Variants in PPP2R2B observed in about 807,000 individuals in gnomAD.
PPP2R2B encodes the protein serine/threonine-protein phosphatase 2A 55 kDa regulatory subunit B beta isoform.
In PPP2R2B, 5 loss-of-function variants were observed where a neutral mutation model predicts 46.0. That is an observed-to-expected ratio of 0.11 (90% CI 0.06 to 0.23). PPP2R2B has a LOEUF of 0.23. PPP2R2B is among the 10% of genes least tolerant of loss of function. PPP2R2B has a pLI of 1.00. For missense variants in PPP2R2B, 367 were observed against 575.0 expected (o/e 0.64, Z 3.70); for synonymous variants, 215 against 206.7 (o/e 1.04, Z -0.34).
intron 2 of PPP2R2B, chr5:146,856,476 G>A: frequency 6.6e-7 from 1 of 1,509,422 alleles, no homozygotes; most frequent in Non-Finnish European, 9.2e-7. Context: ...AAGAAGAGTA[G>A]GTATAAATAA....
chr5:146,830,254 C>T (rs1421492077), intron 2 of PPP2R2B, among the ~76,000 whole-genome samples: 1 of 152,084 alleles, frequency 6.6e-6, no homozygotes, highest in Non-Finnish European at 1.5e-5. Flanking sequence ...CATAGATATG[C>T]CATAGGAATG....
At chr5:146,850,921 T>C (rs1234161981) in intron 2 of PPP2R2B, among the ~76,000 whole-genome samples, 1 of 152,082 alleles carries the variant, frequency 6.6e-6, no homozygotes, top group African/African-American at 2.4e-5. Context: ...TGTAAAGACT[T>C]TCTAGAATAT....
chr5:146,875,111 G>A (rs932559277), intron 2 of PPP2R2B, among the ~76,000 whole-genome samples: 5 of 152,210 alleles, frequency 3.3e-5, no homozygotes, highest in African/African-American at 1.2e-4. Flanking sequence ...CATTGAATGT[G>A]TGACTTTTGG....
intron 1 of PPP2R2B, among the ~76,000 whole-genome samples, chr5:146,973,986 C>G (rs1582527020): frequency 6.6e-6 from 1 of 152,172 alleles, no homozygotes; most frequent in African/African-American, 2.4e-5. Context: ...CAGAAATAAT[C>G]TGGAGGCAGA....
At chr5:147,051,751 T>C (rs1232262076) in intron 1 of PPP2R2B, among the ~76,000 whole-genome samples, 3 of 143,710 alleles carry the variant, frequency 2.1e-5, no homozygotes, top group Admixed American at 7.2e-5. Flanking sequence ...CTGTTTTGCT[T>C]CCTTTTTTTT....
At chr5:146,895,734 T>A (rs578055984) in intron 1 of PPP2R2B, among the ~76,000 whole-genome samples, 1 of 152,210 alleles carries the variant, frequency 6.6e-6, no homozygotes, top group Non-Finnish European at 1.5e-5. Flanking sequence ...TATTTTGTAA[T>A]ATGTTTATGG....
chr5:146,618,896 T>TACCA (rs1239822909), intron 7 of PPP2R2B, among the ~76,000 whole-genome samples: 1 of 152,206 alleles, frequency 6.6e-6, no homozygotes, highest in Non-Finnish European at 1.5e-5. Flanking sequence ...CCGGCAATCC[T>TACCA]ACCATGTGCT....
At chr5:146,940,847 T>A (rs756815840) in intron 1 of PPP2R2B, among the ~76,000 whole-genome samples, 1 of 152,162 alleles carries the variant, frequency 6.6e-6, no homozygotes, top group Non-Finnish European at 1.5e-5. Context: ...TAAATTAGTA[T>A]CAGTGTAGTT....
At chr5:146,717,346 T>A (rs898661997) in intron 2 of PPP2R2B, among the ~76,000 whole-genome samples, 8 of 152,222 alleles carry the variant, frequency 5.3e-5, no homozygotes, top group Non-Finnish European at 1.2e-4. Flanking sequence ...ACCTAAGTTA[T>A]TGCCTCTGGA....
chr5:146,845,647 G>C (rs979671260), intron 2 of PPP2R2B, among the ~76,000 whole-genome samples: 1 of 152,180 alleles, frequency 6.6e-6, no homozygotes, highest in Non-Finnish European at 1.5e-5. Context: ...CTCATGATTA[G>C]AGCTCCAGTG....
At chr5:146,873,008 C>T (rs1260473502) in intron 2 of PPP2R2B, among the ~76,000 whole-genome samples, 1 of 152,172 alleles carries the variant, frequency 6.6e-6, no homozygotes, top group Non-Finnish European at 1.5e-5. Flanking sequence ...CCAGGTCTTT[C>T]TCTTGAGCTT....
At chr5:146,733,365 G>A (rs947778650) in intron 2 of PPP2R2B, among the ~76,000 whole-genome samples, 3 of 151,936 alleles carry the variant, frequency 2.0e-5, no homozygotes, top group African/African-American at 7.3e-5. Context: ...TGGGGGTGAG[G>A]GGCTTCTTCC....
chr5:146,805,648 G>C (rs779880113), intron 2 of PPP2R2B, among the ~76,000 whole-genome samples: 3 of 152,154 alleles, frequency 2.0e-5, no homozygotes, highest in Non-Finnish European at 4.4e-5. Flanking sequence ...TAAAGCAGAT[G>C]AGCCTGTAGT....
intron 2 of PPP2R2B, among the ~76,000 whole-genome samples, chr5:146,854,865 C>T (rs916820017): frequency 1.6e-4 from 24 of 152,158 alleles, no homozygotes; most frequent in Non-Finnish European, 2.9e-4. Context: ...CTATTCTTCA[C>T]GACAAGCTCT....
At chr5:146,822,418 C>T (rs1426878449) in intron 2 of PPP2R2B, among the ~76,000 whole-genome samples, 2 of 152,136 alleles carry the variant, frequency 1.3e-5, no homozygotes, top group South Asian at 2.1e-4. Context: ...TCATCATACT[C>T]AGGTTGCACT....
At chr5:146,937,315 A>G (rs178547) in intron 1 of PPP2R2B, among the ~76,000 whole-genome samples, 35,699 of 150,600 alleles carry the variant, frequency 0.24, 5,404 homozygotes, top group African/African-American at 0.43. Context: ...AAAAAAAAAA[A>G]GGGGGGTTAC....
chr5:146,595,403 G>T (rs753950916), intron 8 of PPP2R2B, among the ~76,000 whole-genome samples: 4 of 152,110 alleles, frequency 2.6e-5, no homozygotes, highest in Non-Finnish European at 5.9e-5. Context: ...TTCACCTTCG[G>T]CATTTTGTCT....
rs1483922591 is a variant in PPP2R2B at position 146,936,341 on chromosome 5, C to G, written c.79+119324G>C. On this transcript the variant is annotated intron_variant, in intron 1 of 8. Coordinates refer to the PPP2R2B transcript ENST00000336640. The stretch of plus-strand genomic sequence containing the variant: ...TCATTCATGCTGCCTAAGAAGATGC[C>G]TAAATGATCATCCCACTCCCCCTCT... Among the ~76,000 whole-genome samples, 4 of 151,978 alleles carry G rather than the reference C, an allele frequency of 2.6e-5. 1 individual carries two copies. In the Middle Eastern group the frequency reaches 0.014, roughly 517 times the overall value.
intron 5 of PPP2R2B, among the ~76,000 whole-genome samples, chr5:146,663,185 A>G (rs1443867980): frequency 6.6e-6 from 1 of 152,224 alleles, no homozygotes. Flanking sequence ...TGTCCTAGCT[A>G]AAAGTACACA....
Sources: allele counts gnomAD v4.1 joint callset (sites outside exome capture counted in the v4.1 genomes callset), GRCh38; gene constraint gnomAD v4.1.1; transcripts MANE v1.5; gene names NCBI Gene and HGNC (gene_info 2026-07-23, HGNC 2026-07-21).